Variants in MED24 observed in about 807,000 individuals in gnomAD.
MED24 encodes the protein mediator complex subunit 24.
In MED24, 74 loss-of-function variants were observed where a neutral mutation model predicts 118.8. The ratio of observed to expected loss-of-function variants is 0.62; its 90% CI spans 0.52 to 0.76. The LOEUF (loss-of-function observed/expected upper bound fraction) is 0.76. Among genes scored for constraint, MED24 ranks in the 30% least tolerant of loss-of-function variants. The probability of loss-of-function intolerance (pLI) is 0.00; values close to 1 mark genes in which losing one functional copy is unlikely to be tolerated. For missense variants in MED24, 1,041 were observed against 1,278.9 expected (o/e 0.81, Z 2.84); for synonymous variants, 521 against 523.9 (o/e 0.99, Z 0.08).
At chr17:40,035,617 C>T (rs757522411) in intron 5 of MED24, 105 bp downstream of exon 5, 5 of 1,250,260 alleles carry the variant, frequency 4.0e-6, no homozygotes, top group Non-Finnish European at 5.6e-6. Flanking sequence ...GGAGAAAAAA[C>T]GTTGGAACCC....
At chr17:40,027,229 G>A (rs1982775325) in intron 16 of MED24, 154 bp downstream of exon 16, 7 of 1,081,976 alleles carry the variant, frequency 6.5e-6, no homozygotes, top group Non-Finnish European at 9.3e-6. Flanking sequence ...GGCTGAAGGT[G>A]CCTCTACGGA....
chr17:40,021,839 C>G (rs988057831), intron 23 of MED24, 116 bp downstream of exon 23: 4 of 765,710 alleles, frequency 5.2e-6, no homozygotes, highest in Admixed American at 2.5e-5. Context: ...AGGTCCCTGC[C>G]ACACCCTCTC....
intron 19 of MED24, among the ~76,000 whole-genome samples, chr17:40,025,264 C>G (rs1234178564): frequency 2.0e-5 from 3 of 152,084 alleles, no homozygotes; most frequent in Non-Finnish European, 4.4e-5. Context: ...GAGGATCACT[C>G]AAGGCCAGGA....
rs372930510 is a variant in MED24 at position 40,032,714 on chromosome 17, C to T, written c.871G>A (p.Val291Met). The T allele has an allele frequency of 2.4e-5, 39 of 1,613,856 alleles. No homozygotes were observed. The highest frequency in any genetic ancestry group is 4.5e-5 in the East Asian group (2 of 44,868). ...FVLEIWKACFVGLIESPEGTE... is the reference protein window; with the variant it reads ...FVLEIWKACFMGLIESPEGTE... ...CCCTCGGGAGACTCAATGAGCCCCA[C>T]GAAGCAAGCTTTCCAGATCTCCAGG... The change falls in exon 9 of 26, where the codon GTG becomes ATG. Residue 291 changes from valine (V) to methionine (M), a missense_variant. By Grantham distance (21) the Val-to-Met change is conservative. Coordinates refer to ENST00000394128, the MANE Select transcript of MED24 (RefSeq NM_014815.4).
intron 3 of MED24, among the ~76,000 whole-genome samples, chr17:40,044,871 T>A (rs1357575824): frequency 7.7e-6 from 1 of 129,414 alleles, no homozygotes; most frequent in Non-Finnish European, 1.6e-5. Context: ...ACAGCGAGAC[T>A]CCATCTCAAA....
Position 40,022,314 on chromosome 17 carries a change from C to G in MED24, c.2523+80G>C, listed in dbSNP as rs891204758. On this transcript the variant is annotated intron_variant, in intron 22 of 25. Coordinates refer to ENST00000394128, the MANE Select transcript of MED24 (RefSeq NM_014815.4). ...AAGGGCAGGGGCCACAACTGCTTCC[C>G]TTTGCCTGGGGAATCCTTAGGAAAT... is the stretch of plus-strand genomic sequence containing the variant. 6.2e-6 allele frequency: 9 copies of G among 1,444,608 alleles called. No homozygotes were observed. The African/African-American group carries it at 8.4e-5, about 14-fold the overall frequency. 89.5% of individuals were successfully genotyped at this position (1,444,608 alleles called of 1,614,324 possible). A position where few individuals can be genotyped will look rare whatever the true frequency, so the allele number is the denominator to read the frequency against.
At chr17:40,023,467 A>C in intron 19 of MED24, 72 bp from the exon 20 acceptor site, 4 of 1,388,578 alleles carry the variant, frequency 2.9e-6, no homozygotes, top group Non-Finnish European at 3.9e-6. Flanking sequence ...GGGAACACCC[A>C]TGCCAGACTT....
At chr17:40,050,758 C>T (rs568753904) in intron 3 of MED24, among the ~76,000 whole-genome samples, 2 of 152,122 alleles carry the variant, frequency 1.3e-5, no homozygotes, top group Non-Finnish European at 2.9e-5. Flanking sequence ...TGAAAAATTA[C>T]GTATTGGGTA....
At chr17:40,021,245 T>C (rs1981961832) in intron 23 of MED24, 1 of 152,292 alleles carries the variant, frequency 6.6e-6, no homozygotes, top group Admixed American at 6.5e-5. Context: ...AACACCCCAT[T>C]TACAGATGAG....
intron 3 of MED24, among the ~76,000 whole-genome samples, chr17:40,045,718 G>A (rs986324210): frequency 3.3e-5 from 5 of 152,184 alleles, no homozygotes; most frequent in Non-Finnish European, 7.3e-5. Context: ...CAAAGCTGCA[G>A]TGAGCCACTA....
At position 40,031,297 on chromosome 17, in the gene MED24, G is replaced by A. The variant is rs539006565; in HGVS notation, c.1068-52C>T. The A allele has an allele frequency of 7.3e-6, 11 of 1,503,120 alleles. No homozygotes were observed. The East Asian group carries it at 2.7e-4, about 37-fold the overall frequency. The allele number at this position is 1,503,120 out of a possible 1,614,324, so 93.1% of individuals were successfully genotyped here. A position where few individuals can be genotyped will look rare whatever the true frequency, so the allele number is the denominator to read the frequency against. ...ACTGGGCACCTGGATAGGATGGTGAGGGGTGGGAGTGGCAGGTCCCTGAGC... is the reference window on the plus strand; with the variant it reads ...ACTGGGCACCTGGATAGGATGGTGAAGGGTGGGAGTGGCAGGTCCCTGAGC... On this transcript the variant is annotated intron_variant, in intron 11 of 25. Transcript: ENST00000394128.
At chr17:40,026,443 A>G in intron 18 of MED24, 112 bp from the exon 19 acceptor site, 1 of 1,336,254 alleles carries the variant, frequency 7.5e-7, no homozygotes, top group Non-Finnish European at 1.0e-6. Flanking sequence ...CCCGGGCCAC[A>G]TTCCACACCT....
intron 22 of MED24, 86 bp downstream of exon 22, chr17:40,022,308 G>T: frequency 7.2e-7 from 1 of 1,388,090 alleles, no homozygotes; most frequent in Non-Finnish European, 1.0e-6. Flanking sequence ...GGCCACAACT[G>T]CTTCCCTTTG....
intron 6 of MED24, chr17:40,034,821 G>T: frequency 1.1e-6 from 1 of 905,880 alleles, no homozygotes; most frequent in South Asian, 1.7e-5. Context: ...CTTGATGAGG[G>T]CAGGGACCCT....
At chr17:40,030,764 T>C (rs1667416120) in intron 12 of MED24, among the ~76,000 whole-genome samples, 1 of 151,906 alleles carries the variant, frequency 6.6e-6, no homozygotes, top group African/African-American at 2.4e-5. Flanking sequence ...GTTCAAGCAA[T>C]TCTCGTGCCT....
intron 3 of MED24, among the ~76,000 whole-genome samples, chr17:40,041,047 C>G (rs558042232): frequency 3.8e-4 from 58 of 152,266 alleles, no homozygotes; most frequent in African/African-American, 1.2e-3. Flanking sequence ...CACGCCCGGA[C>G]AACATAAGAG....
intron 3 of MED24, among the ~76,000 whole-genome samples, chr17:40,043,484 G>A (rs1460367274): frequency 1.3e-5 from 2 of 152,078 alleles, no homozygotes; most frequent in East Asian, 1.9e-4. Flanking sequence ...CAGGAGAACC[G>A]CCTGTAATTT....
At chr17:40,032,426 G>A in intron 9 of MED24, 3 of 574,410 alleles carry the variant, frequency 5.2e-6, no homozygotes, top group Non-Finnish European at 6.2e-6. Flanking sequence ...TGATGACCAA[G>A]CTAAACTGCA....
intron 12 of MED24, 71 bp downstream of exon 12, chr17:40,031,088 C>G (rs567437590): frequency 6.9e-7 from 1 of 1,447,906 alleles, no homozygotes; most frequent in Admixed American, 2.0e-5. Flanking sequence ...TTGAAAGGCA[C>G]GCAGCAGCCC....
Sources: allele counts gnomAD v4.1 joint callset (sites outside exome capture counted in the v4.1 genomes callset), GRCh38; gene constraint gnomAD v4.1.1; transcripts MANE v1.5; gene names NCBI Gene and HGNC (gene_info 2026-07-23, HGNC 2026-07-21).